The following CR2 variants were observed in gnomAD, a reference collection of about 807,000 sequenced individuals.
CR2 encodes the protein complement receptor type 2.
CR2 carries 96 observed loss-of-function variants against 123.0 expected under a neutral mutation model. The observed-to-expected ratio is 0.78, with a 90% CI of 0.66 to 0.93. The LOEUF (loss-of-function observed/expected upper bound fraction) is 0.93, where lower values mean the gene tolerates loss of function less well. Among genes scored for constraint, CR2 ranks in the 40% least tolerant of loss-of-function variants. The probability of loss-of-function intolerance (pLI) is 0.00; values close to 1 mark genes in which losing one functional copy is unlikely to be tolerated. For synonymous variants in CR2, 484 were observed against 469.5 expected, an observed-to-expected ratio of 1.03 and a Z score of -0.40; for missense variants, 1,258 against 1,361.0, an observed-to-expected ratio of 0.92 and a Z score of 1.19.
Position 207,473,865 on chromosome 1 carries a change from T to G in CR2, c.2220T>G (p.Val740=). The change falls in exon 12 of 20, where the codon GTT becomes GTG. Residue 740 remains valine (V), a synonymous_variant. Coordinates refer to ENST00000367057, the MANE Select transcript of CR2 (RefSeq NM_001006658.3). ...CAGCTGGTTCACGTGTGGAGCTAGT[T>G]AATACGTCCTGCCAAGATGGGTGAG... is the stretch of plus-strand genomic sequence containing the variant. ...ELPAGSRVEL[V]NTSCQDGYQL... 6.2e-7 allele frequency: 1 copy of G among 1,613,858 alleles called. No homozygotes were observed. Among genetic ancestry groups the G allele is most frequent in the Non-Finnish European group, 8.5e-7 (1 of 1,179,842 alleles).
chr1:207,484,775 A>G (rs1180164251), intron 18 of CR2, among the ~76,000 whole-genome samples: 1 of 152,232 alleles, frequency 6.6e-6, no homozygotes, highest in African/African-American at 2.4e-5. Flanking sequence ...AAATATGTGT[A>G]CTTTCAAAGA....
chr1:207,486,650 A>G (rs1658757380), intron 19 of CR2, among the ~76,000 whole-genome samples: 1 of 152,170 alleles, frequency 6.6e-6, no homozygotes, highest in Non-Finnish European at 1.5e-5. Flanking sequence ...CAGGCAAGAA[A>G]TTGTCAGTGG....
At position 207,470,847 on chromosome 1, in the gene CR2, C is replaced by G. The variant is rs773257775; in HGVS notation, c.1333C>G (p.Leu445Val). The G allele has an allele frequency of 6.8e-6, 11 of 1,613,902 alleles. No individual in the cohort carries two copies. The East Asian group carries it at 2.2e-4, about 33-fold the overall frequency. ...ATATAGCTGTAACCCTGGCTATGTG[C>G]TGGTGGGAGAAGAATCCATACAGTG... ...IKYSCNPGYV[L>V]VGEESIQCTS... Residue 445 changes from leucine to valine, a missense_variant, in exon 7 of 20, where the codon CTG becomes GTG. Transcript: ENST00000367057.
At chr1:207,481,230 CT>C (rs1658594824) in intron 18 of CR2, among the ~76,000 whole-genome samples, 1 of 151,890 alleles carries the variant, frequency 6.6e-6, no homozygotes, top group African/African-American at 2.4e-5. Context: ...CCTACTTGTA[CT>C]TTTTTTCCCT....
chr1:207,461,548 A>G (rs1260177739), intron 1 of CR2, among the ~76,000 whole-genome samples: 1 of 152,188 alleles, frequency 6.6e-6, no homozygotes, highest in African/African-American at 2.4e-5. Context: ...ACAAGGCAGA[A>G]GCAGAGAAGA....
chr1:207,471,003 C>T lies in CR2; in HGVS notation c.1409C>T (p.Ala470Val), dbSNP rs545091003. 24 of 1,613,798 alleles carry T rather than the reference C, an allele frequency of 1.5e-5. No homozygotes were observed. Among genetic ancestry groups the T allele is most frequent in the Middle Eastern group, 1.7e-4 (1 of 6,054 alleles). Residue 470 changes from alanine (A) to valine (V), a missense_variant, in exon 8 of 20, where the codon GCG becomes GTG. Physicochemically the swap from Ala to Val is moderately conservative, Grantham distance 64. Transcript: ENST00000367057. ...TCCTAGTCTCTTTTCTTAGTGGCAG[C>T]GTGTGAAGCTACAGGAAGGCAACTC... ...TPPVPQCKVA[A>V]CEATGRQLLT...
chr1:207,488,421 C>T (rs1201180400), intron 19 of CR2, among the ~76,000 whole-genome samples: 2 of 152,008 alleles, frequency 1.3e-5, no homozygotes, highest in Non-Finnish European at 1.5e-5. Flanking sequence ...TTCAGGAGAT[C>T]GAGAACATCT....
intron 18 of CR2, among the ~76,000 whole-genome samples, chr1:207,481,569 T>C (rs879766486): frequency 1.3e-5 from 2 of 152,064 alleles, no homozygotes; most frequent in Non-Finnish European, 2.9e-5. Context: ...CCTAGAAAAA[T>C]AAAATAAAAT....
rs867203783 is a variant in CR2, at chr1:207,473,198, G to T, written c.1978+19G>T. The T allele has an allele frequency of 1.2e-6, 2 of 1,610,646 alleles. No individual in the cohort carries two copies. Among genetic ancestry groups the T allele is most frequent in the South Asian group, 1.1e-5 (1 of 90,642 alleles). ...GAAAAAGGTAAAAACCCAATAAGGG[G>T]GAAAAAAGGAGAGATTTACTTAATT... On this transcript the variant is annotated intron_variant, in intron 10 of 19. Transcript: ENST00000367057.
chr1:207,473,127 T>G lies in CR2; in HGVS notation c.1926T>G (p.Ile642Met). Residue 642 changes from isoleucine to methionine, a missense_variant, in exon 10 of 20, where the codon ATT (isoleucine) becomes ATG (methionine). By Grantham distance (10) the Ile-to-Met change is conservative. Transcript: ENST00000367057. ...TTACTTTGAAGGGCAGTAGTCAGATTCGTTGCAAAGCTGATAACACCTGGG... is the reference window on the plus strand; with the variant it reads ...TTACTTTGAAGGGCAGTAGTCAGATGCGTTGCAAAGCTGATAACACCTGGG... ...SGFTLKGSSQ[I>M]RCKADNTWDP... The G allele has an allele frequency of 3.7e-6, 6 of 1,613,982 alleles. No individual in the cohort carries two copies. Among genetic ancestry groups the G allele is most frequent in the Non-Finnish European group, 4.2e-6 (5 of 1,179,898 alleles).
chr1:207,455,691 C>T (rs1484652180), intron 1 of CR2, among the ~76,000 whole-genome samples: 1 of 152,212 alleles, frequency 6.6e-6, no homozygotes, highest in South Asian at 2.1e-4. Context: ...TCCCTTTGAA[C>T]AAATGTATAT....
At chr1:207,466,998 C>G in intron 2 of CR2, 86 bp downstream of exon 2, 2 of 1,448,544 alleles carry the variant, frequency 1.4e-6, no homozygotes, top group Non-Finnish European at 1.8e-6. Flanking sequence ...GAAGGACAAA[C>G]AGTGTGAACA....
rs959461369 is a variant in CR2, at chr1:207,468,458, C to T, written c.446-69C>T. On this transcript the variant is annotated intron_variant, in intron 2 of 19. Transcript: ENST00000367057. ...GCCCAGGGAAGCCAAAAGATTGGAC[C>T]CCCTTGATTCTAGATTGTGAAGGAT... 5 of 1,520,324 alleles carry T rather than the reference C, an allele frequency of 3.3e-6. No homozygotes were observed. In the African/African-American group the frequency reaches 5.5e-5, roughly 17 times the overall value. The allele number at this position is 1,520,324 out of a possible 1,614,324, so 94.2% of individuals were successfully genotyped here. A position where few individuals can be genotyped will look rare whatever the true frequency, so the allele number is the denominator to read the frequency against.
chr1:207,472,668 C>T (rs1023877643), intron 9 of CR2, 104 bp from the exon 10 acceptor site: 17 of 1,180,322 alleles, frequency 1.4e-5, no homozygotes, highest in African/African-American at 4.5e-5. Flanking sequence ...GTACCCATAC[C>T]GTCCAGGAAA....
At chr1:207,482,527 C>T (rs544344188) in intron 18 of CR2, among the ~76,000 whole-genome samples, 2 of 152,176 alleles carry the variant, frequency 1.3e-5, no homozygotes, top group African/African-American at 4.8e-5. Flanking sequence ...GGCTGAGTGC[C>T]TACTATGCCT....
intron 2 of CR2, among the ~76,000 whole-genome samples, chr1:207,467,927 A>G (rs555237201): frequency 1.3e-5 from 2 of 152,348 alleles, no homozygotes; most frequent in East Asian, 3.9e-4. Context: ...TATTGCCAAT[A>G]TCTACCAGGA....
Position 207,473,092 on chromosome 1 carries a change from T to G in CR2, c.1891T>G (p.Tyr631Asp). Reference protein sequence around the residue: ...FYNDTVTFKCYSGFTLKGSSQ... With the variant: ...FYNDTVTFKCDSGFTLKGSSQ... ...CAATGACACTGTGACATTCAAGTGT[T>G]ATAGTGGATTTACTTTGAAGGGCAG... The change falls in exon 10 of 20, where the codon TAT (tyrosine) becomes GAT (aspartate). Residue 631 changes from tyrosine to aspartate, a missense_variant. Tyr to Asp is a radical substitution (Grantham distance 160). Coordinates refer to ENST00000367057, the MANE Select transcript of CR2 (RefSeq NM_001006658.3). 6.2e-7 allele frequency: 1 copy of G among 1,613,972 alleles called. No homozygotes were observed. The highest frequency in any genetic ancestry group is 8.5e-7 in the Non-Finnish European group (1 of 1,179,880).
rs1658230331 is a variant in CR2 at position 207,470,252 on chromosome 1, C to T, written c.1225+150C>T. The T allele has an allele frequency of 3.6e-6, 3 of 827,016 alleles. No individual in the cohort carries two copies. The East Asian group carries it at 8.0e-5, about 22-fold the overall frequency. The allele number at this position is 827,016 out of a possible 1,614,324, so 51.2% of individuals were successfully genotyped here. A position where few individuals can be genotyped will look rare whatever the true frequency, so the allele number is the denominator to read the frequency against. On this transcript the variant is annotated intron_variant, in intron 6 of 19. Coordinates refer to ENST00000367057, the MANE Select transcript of CR2 (RefSeq NM_001006658.3). ...CAATATAAATTTTGTAGAGGGCATT[C>T]TTATCACTAGCCCCCCACCATTGTT...
chr1:207,466,880 G>A lies in CR2; in HGVS notation c.413G>A (p.Trp138Ter). ...KSVWCQANNM[W>*]GPTRLPTCVS... is the part of the protein sequence containing the mutation. ...GTTTGGTGTCAAGCAAATAATATGT[G>A]GGGGCCGACACGACTACCAACCTGT... The change falls in exon 2 of 20, where the codon TGG (tryptophan) becomes TAG (stop). Residue 138 changes from tryptophan to a stop codon, truncating the protein, a stop_gained. Transcript: ENST00000367057. LOFTEE classifies it high-confidence loss of function. 2 of 1,605,512 alleles carry A rather than the reference G, an allele frequency of 1.2e-6. No individual in the cohort carries two copies. The highest frequency in any genetic ancestry group is 1.7e-6 in the Non-Finnish European group (2 of 1,176,296).
Sources: gnomAD v4.1 joint callset for allele counts (sites outside exome capture counted in the v4.1 genomes callset) on GRCh38, gnomAD v4.1.1 for gene constraint, MANE v1.5 for transcripts, NCBI Gene and HGNC (gene_info 2026-07-23, HGNC 2026-07-21) for gene names.